The following EFCAB6 variants were observed in gnomAD, a reference collection of about 807,000 sequenced individuals.
EFCAB6 encodes the protein EF-hand calcium binding domain 6.
In EFCAB6, 156 loss-of-function variants were observed where a neutral mutation model predicts 169.8. The ratio of observed to expected loss-of-function variants is 0.92; its 90% CI spans 0.81 to 1.05. The LOEUF (loss-of-function observed/expected upper bound fraction) is 1.05, where lower values mean the gene tolerates loss of function less well. Among genes scored for constraint, EFCAB6 ranks in the 50% least tolerant of loss-of-function variants. The pLI is 0.00. For missense variants in EFCAB6, 1,800 were observed against 1,829.1 expected (o/e 0.98, Z 0.29); for synonymous variants, 698 against 676.4 (o/e 1.03, Z -0.50).
At chr22:43,666,877 A>G (rs1484255982) in intron 17 of EFCAB6, among the ~76,000 whole-genome samples, 1 of 152,026 alleles carries the variant, frequency 6.6e-6, no homozygotes, top group Non-Finnish European at 1.5e-5. Flanking sequence ...TGATATGTAA[A>G]AGCTTAAATA....
chr22:43,715,482 G>A (rs767659215), intron 9 of EFCAB6, among the ~76,000 whole-genome samples: 1 of 152,206 alleles, frequency 6.6e-6, no homozygotes. Context: ...ATATGATGGC[G>A]ATGCTGACAT....
intron 17 of EFCAB6, among the ~76,000 whole-genome samples, chr22:43,652,634 C>A (rs951383583): frequency 6.6e-6 from 1 of 152,152 alleles, no homozygotes; most frequent in South Asian, 2.1e-4. Flanking sequence ...CTCTATCTGC[C>A]TAGCAAAGCA....
rs143538670 is a variant in EFCAB6, at chr22:43,534,827, T to C, written c.4094A>G (p.Gln1365Arg). Residue 1365 changes from glutamine (Q) to arginine (R), a missense_variant, in exon 30 of 32, where the codon CAG (glutamine) becomes CGG (arginine). Physicochemically the swap from Gln to Arg is conservative, Grantham distance 43. Transcript: ENST00000262726. ...FNLDISKEEC[Q>R]QLIIKYDLKS... ...TAAGTCGTATTTTATAATGAGCTGC[T>C]GACACTCCTCTTTGCTTATGTCCAG... 620 of 1,613,070 alleles carry C rather than the reference T, an allele frequency of 3.8e-4. 2 individuals carry two copies. In the African/African-American group the frequency reaches 7.3e-3, roughly 19 times the overall value.
intron 17 of EFCAB6, among the ~76,000 whole-genome samples, chr22:43,638,125 G>A (rs982767069): frequency 3.3e-5 from 5 of 152,156 alleles, no homozygotes; most frequent in Non-Finnish European, 7.4e-5. Flanking sequence ...ATTCCCAGAA[G>A]AGGCTCAGGG....
chr22:43,626,452 G>C lies in EFCAB6; in HGVS notation c.2460C>G (p.Leu820=). 1.2e-6 allele frequency: 2 copies of C among 1,614,020 alleles called. No individual in the cohort carries two copies. The highest frequency in any genetic ancestry group is 1.7e-6 in the Non-Finnish European group (2 of 1,179,966). Residue 820 remains leucine (L), a synonymous_variant, in exon 20 of 32, where the codon CTC becomes CTG. Transcript: ENST00000262726. The part of the protein sequence containing the change: ...PWRTDEAPQR[L]IRPKQKVADS... Reference sequence around the variant, plus strand: ...GACCCGTGCTGCCTTCTTACCTAATGAGTCTTTGAGGCGCTTCATCTGTTC... The same window carrying C: ...GACCCGTGCTGCCTTCTTACCTAATCAGTCTTTGAGGCGCTTCATCTGTTC...
intron 26 of EFCAB6, among the ~76,000 whole-genome samples, chr22:43,565,332 G>A (rs192023258): frequency 1.3e-5 from 2 of 152,336 alleles, no homozygotes; most frequent in East Asian, 3.9e-4. Flanking sequence ...ATGAATGGAT[G>A]TTATTGTTTC....
intron 13 of EFCAB6, 100 bp downstream of exon 13, chr22:43,677,896 T>G: frequency 3.3e-6 from 4 of 1,227,718 alleles, no homozygotes; most frequent in Non-Finnish European, 1.1e-6. Context: ...GTAAAGTCGT[T>G]AATTTATTTA....
At chr22:43,733,230 A>G (rs1474622) in intron 7 of EFCAB6, among the ~76,000 whole-genome samples, 133,898 of 152,184 alleles carry the variant, frequency 0.88, 58,953 homozygotes, top group East Asian at 0.99. Flanking sequence ...AAACCAGAAG[A>G]CCCAATTGAG....
chr22:43,602,126 G>A (rs546887462), intron 22 of EFCAB6, among the ~76,000 whole-genome samples: 89 of 152,308 alleles, frequency 5.8e-4, no homozygotes, highest in Middle Eastern at 3.4e-3. Flanking sequence ...GCTGGGAGCC[G>A]TCCCGGGCAG....
At chr22:43,621,355 G>A (rs989795156) in intron 20 of EFCAB6, among the ~76,000 whole-genome samples, 3 of 151,954 alleles carry the variant, frequency 2.0e-5, no homozygotes, top group Non-Finnish European at 4.4e-5. Flanking sequence ...GCCCACCTCA[G>A]CCTCCCAAAG....
chr22:43,776,017 A>T (rs1402596536), intron 3 of EFCAB6, among the ~76,000 whole-genome samples: 1 of 152,240 alleles, frequency 6.6e-6, no homozygotes, highest in African/African-American at 2.4e-5. Flanking sequence ...GACTGTTGCT[A>T]TTTCGAGCCA....
intron 27 of EFCAB6, among the ~76,000 whole-genome samples, chr22:43,545,854 C>T (rs372562474): frequency 3.9e-5 from 6 of 152,136 alleles, no homozygotes; most frequent in African/African-American, 9.7e-5. Context: ...TAATCATCTT[C>T]GTAGACAATC....
In EFCAB6 at chr22:43,784,541, G is replaced by A. The variant is rs1193791637; in HGVS notation, c.-7-2216C>T. ...TGTGTGTGTGTGTGTGTGTGTGTGT[G>A]TGTATATGTATATATACACATATAT... On this transcript the variant is annotated intron_variant, in intron 2 of 31. Transcript: ENST00000262726. 1.4e-3 allele frequency among the ~76,000 whole-genome samples: 108 copies of A among 79,664 alleles called. 5 individuals carry two copies. The highest frequency in any genetic ancestry group is 1.8e-3 in the Non-Finnish European group (76 of 41,222). 52.3% of individuals were successfully genotyped at this position (79,664 alleles called of 152,430 possible). A position where few individuals can be genotyped will look rare whatever the true frequency, so the allele number is the denominator to read the frequency against.
chr22:43,696,568 C>T (rs1210414723), intron 10 of EFCAB6, among the ~76,000 whole-genome samples: 1 of 152,016 alleles, frequency 6.6e-6, no homozygotes. Context: ...AACTGGTGAG[C>T]GTATAAACAA....
chr22:43,647,597 C>T (rs2056241706), intron 17 of EFCAB6, among the ~76,000 whole-genome samples: 1 of 152,132 alleles, frequency 6.6e-6, no homozygotes. Flanking sequence ...GTGAATGTAA[C>T]CTTTAATGGA....
At chr22:43,808,038 G>T (rs184589271) in intron 2 of EFCAB6, among the ~76,000 whole-genome samples, 97 of 152,218 alleles carry the variant, frequency 6.4e-4, no homozygotes, top group Non-Finnish European at 9.7e-4. Context: ...TACAGTTGTC[G>T]TCCATATCCA....
intron 2 of EFCAB6, among the ~76,000 whole-genome samples, chr22:43,797,006 A>G (rs545716026): frequency 6.6e-6 from 1 of 152,308 alleles, no homozygotes; most frequent in African/African-American, 2.4e-5. Flanking sequence ...GTATAAGCCA[A>G]TGCTTGCTGA....
chr22:43,751,605 G>C (rs796495042), intron 6 of EFCAB6, among the ~76,000 whole-genome samples: 6 of 152,296 alleles, frequency 3.9e-5, no homozygotes, highest in African/African-American at 1.2e-4. Context: ...TGAAAGGCAG[G>C]ACACCAGAGA....
intron 26 of EFCAB6, among the ~76,000 whole-genome samples, chr22:43,568,541 G>C (rs1402303079): frequency 6.6e-6 from 1 of 152,054 alleles, no homozygotes; most frequent in Admixed American, 6.5e-5. Flanking sequence ...TATATAGAGG[G>C]CTTCCCGTGG....
Sources: gnomAD v4.1 joint callset for allele counts (sites outside exome capture counted in the v4.1 genomes callset) on GRCh38, gnomAD v4.1.1 for gene constraint, MANE v1.5 for transcripts, NCBI Gene and HGNC (gene_info 2026-07-23, HGNC 2026-07-21) for gene names.